Variants in ARPC4 observed in about 807,000 individuals in gnomAD.
ARPC4 encodes the protein actin related protein 2/3 complex subunit 4.
In ARPC4, 3 loss-of-function variants were observed where a neutral mutation model predicts 22.8. The observed-to-expected ratio is 0.13, with a 90% confidence interval of 0.06 to 0.34. The LOEUF is 0.34. Among genes scored for constraint, ARPC4 ranks in the 10% least tolerant of loss-of-function variants. ARPC4 has a pLI of 1.00. For synonymous variants in ARPC4, 80 were observed against 72.5 expected (o/e 1.10, Z -0.52); for missense variants, 98 against 211.0 (o/e 0.46, Z 3.32).
At chr3:9,806,090 AACTCTGCCCCTCACAGATATGAGC>A in intron 5 of ARPC4, 96 bp from the exon 6 acceptor site, 5 of 1,200,046 alleles carry the variant, frequency 4.2e-6, no homozygotes, top group Non-Finnish European at 6.2e-6. Context: ...CCTGGGACCC[AACTCTGCCCCTCACAGATATGAGC>A]ACAGTGGCAG....
chr3:9,792,878 A>C (rs202011720), upstream of ARPC4: 3 of 1,385,790 alleles, frequency 2.2e-6, no homozygotes, highest in Non-Finnish European at 2.8e-6. Context: ...GGGAAGCTGC[A>C]CCCATTCCTG....
chr3:9,803,665 C>A, intron 4 of ARPC4, 178 bp from the exon 5 acceptor site: 1 of 790,204 alleles, frequency 1.3e-6, no homozygotes. Flanking sequence ...TGGATCCAAC[C>A]TAGACACCCT....
chr3:9,793,917 CTTT>C (rs2078817681), intron 1 of ARPC4, among the ~76,000 whole-genome samples: 3 of 152,184 alleles, frequency 2.0e-5, no homozygotes, highest in African/African-American at 7.2e-5. Context: ...TCTCAGCTCT[CTTT>C]CAAGGTTTGC....
chr3:9,796,736 T>C (rs2078897754), intron 1 of ARPC4, among the ~76,000 whole-genome samples: 1 of 151,970 alleles, frequency 6.6e-6, no homozygotes, highest in Non-Finnish European at 1.5e-5. Flanking sequence ...GGTCAGGAGA[T>C]TGAGACCATC....
intron 1 of ARPC4, among the ~76,000 whole-genome samples, chr3:9,796,302 G>C (rs1262739622): frequency 1.3e-5 from 2 of 152,254 alleles, no homozygotes; most frequent in African/African-American, 4.8e-5. Flanking sequence ...GCTGAAGCAG[G>C]AGAATCGCTT....
rs752920180 is a variant in ARPC4 at position 9,803,847 on chromosome 3, A to G, written c.335A>G (p.Tyr112Cys). The G allele has an allele frequency of 6.2e-7, 1 of 1,613,860 alleles. No homozygotes were observed. The highest frequency in any genetic ancestry group is 1.1e-5 in the South Asian group (1 of 91,072). ...CCCTACTGTCTTCTTCCCTAGGGGT[A>G]TGATATCAGCTTTCTGATCACCAAC... is the stretch of plus-strand genomic sequence containing the variant. ...FILRRKPVEG[Y>C]DISFLITNFH... The change falls in exon 5 of 6, where the codon TAT (tyrosine) becomes TGT (cysteine). Residue 112 changes from tyrosine (Y) to cysteine (C), a missense_variant. By Grantham distance (194) the Tyr-to-Cys change is radical. Coordinates refer to ENST00000397261, the MANE Select transcript of ARPC4 (RefSeq NM_005718.5).
At chr3:9,802,526 C>G (rs1417256098) in intron 4 of ARPC4, among the ~76,000 whole-genome samples, 2 of 150,700 alleles carry the variant, frequency 1.3e-5, no homozygotes, top group Non-Finnish European at 3.0e-5. Flanking sequence ...CAGGCGCCCA[C>G]CACCACACCT....
chr3:9,797,078 G>A (rs927623746), intron 1 of ARPC4, among the ~76,000 whole-genome samples: 7 of 148,524 alleles, frequency 4.7e-5, no homozygotes, highest in Admixed American at 2.0e-4. Flanking sequence ...TTATATCATA[G>A]TTATTTTCTG....
intron 2 of ARPC4, among the ~76,000 whole-genome samples, chr3:9,799,542 G>A (rs373989029): frequency 3.6e-4 from 55 of 151,700 alleles, no homozygotes; most frequent in African/African-American, 1.3e-3. Flanking sequence ...TCCTGAGTTC[G>A]AGCAATTCTC....
chr3:9,805,532 C>T (rs541172103), intron 5 of ARPC4, among the ~76,000 whole-genome samples: 11 of 152,222 alleles, frequency 7.2e-5, no homozygotes, highest in Non-Finnish European at 1.0e-4. Context: ...TGTGCAGGGG[C>T]TGGCTCCCAC....
intron 4 of ARPC4, among the ~76,000 whole-genome samples, chr3:9,802,014 G>A (rs531503117): frequency 2.6e-5 from 4 of 152,190 alleles, no homozygotes; most frequent in South Asian, 4.2e-4. Context: ...GCCGAGGTGG[G>A]TGGATCATGA....
rs114508292 is a variant in ARPC4 at position 9,805,038 on chromosome 3, G to A, written c.501+1025G>A. ...TTAAATGAGACCATGTGTGTAAAACGTAGCACCTGGTACATAGTAAGCTTT... is the reference window on the plus strand; with the variant it reads ...TTAAATGAGACCATGTGTGTAAAACATAGCACCTGGTACATAGTAAGCTTT... On this transcript the variant is annotated intron_variant, in intron 5 of 5. Transcript: ENST00000397261. Among the ~76,000 whole-genome samples the A allele has an allele frequency of 2.8e-3, 419 of 152,296 alleles. 3 individuals carry two copies. Among genetic ancestry groups the A allele is most frequent in the African/African-American group, 9.4e-3 (391 of 41,550 alleles).
Position 9,800,221 on chromosome 3 carries a change from C to A in ARPC4, c.159C>A (p.Ile53=). The A allele has an allele frequency of 1.2e-6, 2 of 1,614,116 alleles. No individual in the cohort carries two copies. Among genetic ancestry groups the A allele is most frequent in the Non-Finnish European group, 1.7e-6 (2 of 1,180,032 alleles). ...SKELLLQPVT[I]SRNEKEKVLI... ...AGCTCCTGTTACAACCTGTGACCAT[C>A]AGCAGGAATGAGAAGGAAAAGGTTC... The change falls in exon 3 of 6, where the codon ATC becomes ATA. Residue 53 remains isoleucine, a synonymous_variant. Coordinates refer to ENST00000397261, the MANE Select transcript of ARPC4 (RefSeq NM_005718.5).
At chr3:9,794,497 T>C (rs1435482542) in intron 1 of ARPC4, among the ~76,000 whole-genome samples, 2 of 151,352 alleles carry the variant, frequency 1.3e-5, no homozygotes, top group Non-Finnish European at 2.9e-5. Flanking sequence ...AGACTCCGTC[T>C]CAAAAAAAAA....
intron 2 of ARPC4, chr3:9,799,918 T>G (rs1309457369): frequency 3.4e-6 from 2 of 583,530 alleles, no homozygotes; most frequent in Non-Finnish European, 6.5e-6. Context: ...ATTTTACAGA[T>G]GAGAAAATTG....
rs908419936 is a variant in ARPC4, at chr3:9,806,716, T to A, written c.*501T>A. On this transcript the variant is annotated 3_prime_UTR_variant, in exon 6 of 6. Coordinates refer to ENST00000397261, the MANE Select transcript of ARPC4 (RefSeq NM_005718.5). ...TCCCTTGCCCTTTTATTCCCAAGCC[T>A]CCTTGGCCCCAGTATAAGTGTTGGG... 5 of 168,150 alleles carry A rather than the reference T, an allele frequency of 3.0e-5. No homozygotes were observed. Among genetic ancestry groups the A allele is most frequent in the African/African-American group, 1.2e-4 (5 of 41,554 alleles). The allele number at this position is 168,150 out of a possible 1,614,324, so 10.4% of individuals were successfully genotyped here.
chr3:9,793,090 AC>A lies in ARPC4; in HGVS notation c.-31del. 1 of 1,545,654 alleles carries A rather than the reference AC, an allele frequency of 6.5e-7. No individual in the cohort carries two copies. The highest frequency in any genetic ancestry group is 8.7e-7 in the Non-Finnish European group (1 of 1,145,360). The stretch of plus-strand genomic sequence containing the variant: ...GCATCGCGGGGCTGGCCACTTCCGT[AC>A]TTCCGCTTTCCGGCCCAGCCAGCGC... On this transcript the variant is annotated 5_prime_UTR_variant, in exon 1 of 6. Coordinates refer to ENST00000397261, the MANE Select transcript of ARPC4 (RefSeq NM_005718.5).
chr3:9,800,097 T>G, intron 2 of ARPC4, 88 bp from the exon 3 acceptor site: 1 of 1,304,852 alleles, frequency 7.7e-7, no homozygotes, highest in Non-Finnish European at 1.1e-6. Flanking sequence ...GACTCTATGG[T>G]CTCATAGTGA....
chr3:9,805,583 A>G (rs1488305964), intron 5 of ARPC4, among the ~76,000 whole-genome samples: 1 of 152,226 alleles, frequency 6.6e-6, no homozygotes. Context: ...GGATTTGTAT[A>G]TGGCATCTTC....
Sources: allele counts gnomAD v4.1 joint callset (sites outside exome capture counted in the v4.1 genomes callset), GRCh38; gene constraint gnomAD v4.1.1; transcripts MANE v1.5; gene names NCBI Gene and HGNC (gene_info 2026-07-23, HGNC 2026-07-21).